The following ANO10 variants were observed in gnomAD, a reference collection of about 807,000 sequenced individuals.
The protein encoded by ANO10 is anoctamin-10.
ANO10 carries 77 observed loss-of-function variants against 74.7 expected under a neutral mutation model. That is an observed-to-expected ratio of 1.03 (90% CI 0.86 to 1.25). The LOEUF (loss-of-function observed/expected upper bound fraction) is 1.25, where lower values mean the gene tolerates loss of function less well. Among genes scored for constraint, ANO10 ranks in the 50% most tolerant of loss-of-function variants. ANO10 has a pLI of 0.00. For missense variants in ANO10, 721 were observed against 778.1 expected, an observed-to-expected ratio of 0.93 and a Z score of 0.87; for synonymous variants, 279 against 284.9, an observed-to-expected ratio of 0.98 and a Z score of 0.21.
At chr3:43,380,856 A>G (rs1337527154) in intron 12 of ANO10, among the ~76,000 whole-genome samples, 1 of 152,236 alleles carries the variant, frequency 6.6e-6, no homozygotes, top group Non-Finnish European at 1.5e-5. Flanking sequence ...TACTAACTGT[A>G]TTAATCCGTT....
At chr3:43,434,666 T>C (rs1216709413) in intron 11 of ANO10, among the ~76,000 whole-genome samples, 1 of 152,174 alleles carries the variant, frequency 6.6e-6, no homozygotes, top group East Asian at 1.9e-4. Context: ...AATATCCTGC[T>C]GAGGAAGGAC....
intron 11 of ANO10, among the ~76,000 whole-genome samples, chr3:43,540,703 C>T (rs2078915987): frequency 6.6e-6 from 1 of 152,184 alleles, no homozygotes; most frequent in African/African-American, 2.4e-5. Flanking sequence ...AATGCCCACT[C>T]AGCAGGCCAA....
At chr3:43,422,611 C>G (rs2092836213) in intron 12 of ANO10, among the ~76,000 whole-genome samples, 1 of 152,192 alleles carries the variant, frequency 6.6e-6, no homozygotes, top group Non-Finnish European at 1.5e-5. Flanking sequence ...TCCAGGCCCC[C>G]TCTTACCACA....
intron 4 of ANO10, among the ~76,000 whole-genome samples, chr3:43,597,977 C>T (rs1444702458): frequency 6.6e-6 from 1 of 151,922 alleles, no homozygotes; most frequent in Non-Finnish European, 1.5e-5. Flanking sequence ...CAGAAGCTTA[C>T]ATGTTTAAAG....
At chr3:43,663,177 C>T (rs887112642) in intron 1 of ANO10, among the ~76,000 whole-genome samples, 1 of 152,152 alleles carries the variant, frequency 6.6e-6, no homozygotes, top group Non-Finnish European at 1.5e-5. Context: ...AGTAGCACAT[C>T]AAAAAGCTTA....
At chr3:43,447,795 A>G (rs2093270028) in intron 11 of ANO10, among the ~76,000 whole-genome samples, 1 of 152,186 alleles carries the variant, frequency 6.6e-6, no homozygotes, top group Non-Finnish European at 1.5e-5. Flanking sequence ...CCCTATTATT[A>G]AGGTCTAACA....
chr3:43,485,244 T>A (rs574917165), intron 11 of ANO10: 4 of 643,574 alleles, frequency 6.2e-6, no homozygotes, highest in South Asian at 5.1e-5. Context: ...GGAGTCATAG[T>A]GAGAGGCAGG....
chr3:43,612,801 C>T (rs1559781397), intron 1 of ANO10, among the ~76,000 whole-genome samples: 1 of 151,766 alleles, frequency 6.6e-6, no homozygotes, highest in African/African-American at 2.4e-5. Context: ...AACCATTCAA[C>T]TTTTTTTTTC....
intron 12 of ANO10, among the ~76,000 whole-genome samples, chr3:43,399,156 T>C (rs1219978383): frequency 1.3e-5 from 2 of 152,202 alleles, no homozygotes; most frequent in Admixed American, 6.5e-5. Context: ...TGAAACTGAT[T>C]TACATGCGAA....
intron 12 of ANO10, among the ~76,000 whole-genome samples, chr3:43,417,464 C>A (rs1460261398): frequency 1.3e-5 from 2 of 152,122 alleles, no homozygotes; most frequent in African/African-American, 4.8e-5. Flanking sequence ...CTACAAAGTC[C>A]GGCGCATCCA....
chr3:43,603,015 TAA>T (rs769242865), intron 2 of ANO10, among the ~76,000 whole-genome samples: 9 of 152,366 alleles, frequency 5.9e-5, no homozygotes, highest in Non-Finnish European at 1.3e-4. Context: ...ACAGTATGGT[TAA>T]GTCATCCTTT....
At chr3:43,606,810 C>G (rs1384739013) in intron 1 of ANO10, among the ~76,000 whole-genome samples, 1 of 152,096 alleles carries the variant, frequency 6.6e-6, no homozygotes, top group Non-Finnish European at 1.5e-5. Context: ...ACTATGAACA[C>G]AAGCCAAGAC....
intron 11 of ANO10, among the ~76,000 whole-genome samples, chr3:43,461,562 T>C (rs773847621): frequency 1.3e-5 from 2 of 152,206 alleles, no homozygotes; most frequent in South Asian, 2.1e-4. Context: ...GGTGTTCTCA[T>C]GTTAGTGAAT....
chr3:43,660,969 G>T (rs1188247084), intron 1 of ANO10, among the ~76,000 whole-genome samples: 2 of 152,092 alleles, frequency 1.3e-5, no homozygotes, highest in Non-Finnish European at 2.9e-5. Context: ...ACAATAAAAA[G>T]AAAACACTCT....
At chr3:43,675,090 G>T (rs1417845564) in intron 1 of ANO10, among the ~76,000 whole-genome samples, 1 of 152,130 alleles carries the variant, frequency 6.6e-6, no homozygotes, top group Admixed American at 6.5e-5. Flanking sequence ...AAGAGCATAA[G>T]AGTCTACCTA....
intron 6 of ANO10, 85 bp from the exon 7 acceptor site, chr3:43,574,949 G>T: frequency 9.1e-7 from 1 of 1,097,160 alleles, no homozygotes. Context: ...TTGCATTGAG[G>T]GCGGAGATGT....
At chr3:43,586,384 G>A (rs1437000555) in intron 4 of ANO10, among the ~76,000 whole-genome samples, 1 of 152,068 alleles carries the variant, frequency 6.6e-6, no homozygotes, top group African/African-American at 2.4e-5. Flanking sequence ...TCTTTTCAGG[G>A]ACTAAAATGG....
At chr3:43,447,892 A>G (rs2093271820) in intron 11 of ANO10, among the ~76,000 whole-genome samples, 1 of 152,222 alleles carries the variant, frequency 6.6e-6, no homozygotes, top group Non-Finnish European at 1.5e-5. Flanking sequence ...AGGGTTCACT[A>G]TACAGGTTTT....
chr3:43,535,836 G>T (rs1270507450), intron 11 of ANO10, among the ~76,000 whole-genome samples: 1 of 152,168 alleles, frequency 6.6e-6, no homozygotes, highest in Non-Finnish European at 1.5e-5. Context: ...AGGCTTTAAA[G>T]ATTAAGTCTC....
Sources: gnomAD v4.1 joint callset for allele counts (sites outside exome capture counted in the v4.1 genomes callset) on GRCh38, gnomAD v4.1.1 for gene constraint, MANE v1.5 for transcripts, NCBI Gene and HGNC (gene_info 2026-07-23, HGNC 2026-07-21) for gene names.